Variants in PIWIL1 observed in about 807,000 individuals in gnomAD.
PIWIL1 encodes the protein piwi-like protein 1.
PIWIL1 carries 73 observed loss-of-function variants against 114.4 expected under a neutral mutation model. That is an observed-to-expected ratio of 0.64 (90% CI 0.53 to 0.78). PIWIL1 has a LOEUF of 0.78. Ranked by LOEUF, PIWIL1 falls within the 30% of genes least tolerant of loss-of-function variation. The probability of loss-of-function intolerance (pLI) is 0.00; values close to 1 mark genes in which losing one functional copy is unlikely to be tolerated. For missense variants in PIWIL1, 723 were observed against 1,063.1 expected, an observed-to-expected ratio of 0.68 and a Z score of 4.45; for synonymous variants, 375 against 369.0, an observed-to-expected ratio of 1.02 and a Z score of -0.19.
the PIWIL1 span, chr12:130,414,058 C>G: frequency 6.6e-7 from 1 of 1,520,728 alleles, no homozygotes. Context: ...TGTTGCCAGT[C>G]TCTGCCCCCA....
At chr12:130,368,245 T>C (rs904433738) in intron 19 of PIWIL1, among the ~76,000 whole-genome samples, 1 of 152,148 alleles carries the variant, frequency 6.6e-6, no homozygotes, top group African/African-American at 2.4e-5. Flanking sequence ...GGACTTCTGT[T>C]TTTCTATGTA....
chr12:130,344,878 G>A (rs2073029744), intron 3 of PIWIL1, among the ~76,000 whole-genome samples: 1 of 152,138 alleles, frequency 6.6e-6, no homozygotes, highest in Non-Finnish European at 1.5e-5. Flanking sequence ...CCTAACCATG[G>A]GGAGGGTGGA....
the PIWIL1 span, chr12:130,412,542 A>C: frequency 2.9e-6 from 4 of 1,361,010 alleles, no homozygotes; most frequent in Non-Finnish European, 4.1e-6. Context: ...TCTCCTCATC[A>C]CCGCCTGCCT....
chr12:130,392,379 T>TCC, the PIWIL1 span, among the ~76,000 whole-genome samples: 1 of 44,726 alleles, frequency 2.2e-5, no homozygotes. Flanking sequence ...TCATCACATG[T>TCC]GTCCGTCAGT....
chr12:130,424,413 C>A, the PIWIL1 span: 2 of 1,232,850 alleles, frequency 1.6e-6, no homozygotes, highest in South Asian at 4.1e-5. This position sits in a 1 kb window ranked among gnomAD's most constrained non-coding sequence, Gnocchi z 9.8. Context: ...CGGCCTCGGG[C>A]CCCTCCTGCA....
intron 18 of PIWIL1, 37 bp from the exon 19 acceptor site, chr12:130,367,096 C>CT (rs1565956196): frequency 6.2e-7 from 1 of 1,608,596 alleles, no homozygotes; most frequent in East Asian, 2.2e-5. Flanking sequence ...GAAAATATGA[C>CT]TGGCTAAATG....
intron 11 of PIWIL1, among the ~76,000 whole-genome samples, chr12:130,355,218 T>C (rs2136159697): frequency 6.6e-6 from 1 of 152,342 alleles, no homozygotes; most frequent in South Asian, 2.1e-4. Context: ...TTGCAGTGCG[T>C]AGTCTTTCTA....
chr12:130,364,263 C>A (rs1487810967), intron 18 of PIWIL1, among the ~76,000 whole-genome samples: 1 of 152,178 alleles, frequency 6.6e-6, no homozygotes, highest in South Asian at 2.1e-4. Context: ...ATTACACACC[C>A]ATTATTCTTG....
chr12:130,389,364 G>A, the PIWIL1 span, among the ~76,000 whole-genome samples: 1 of 151,944 alleles, frequency 6.6e-6, no homozygotes, highest in Admixed American at 6.6e-5. Flanking sequence ...TATAAGATTG[G>A]GGTGATCTGA....
rs1209150602 is a variant in PIWIL1, at chr12:130,357,444, C to T, written c.1593-37C>T. On this transcript the variant is annotated intron_variant, in intron 13 of 20. Coordinates refer to ENST00000245255, the MANE Select transcript of PIWIL1 (RefSeq NM_004764.5). Reference sequence around the variant, plus strand: ...TTTATGCACGGTCCATTTGTCGCTACTGTGTCTGAGTGTTGGATTGTGTAC... The same window carrying T: ...TTTATGCACGGTCCATTTGTCGCTATTGTGTCTGAGTGTTGGATTGTGTAC... 5 of 1,497,000 alleles carry T rather than the reference C, an allele frequency of 3.3e-6. No individual in the cohort carries two copies. The African/African-American group carries it at 5.5e-5, about 17-fold the overall frequency. 92.7% of individuals were successfully genotyped at this position (1,497,000 alleles called of 1,614,324 possible). A position where few individuals can be genotyped will look rare whatever the true frequency, so the allele number is the denominator to read the frequency against.
At chr12:130,412,672 T>A in the PIWIL1 span, 2 of 1,613,918 alleles carry the variant, frequency 1.2e-6, no homozygotes, top group South Asian at 2.2e-5. Context: ...AAGAAGCTGA[T>A]CCATCATCTC....
At chr12:130,424,960 G>T in the PIWIL1 span, 2 of 621,602 alleles carry the variant, frequency 3.2e-6, no homozygotes, top group Non-Finnish European at 4.6e-6. The surrounding 1 kb of genome is among the most constrained non-coding windows in gnomAD (Gnocchi z 9.8). Flanking sequence ...ATTAGTCCTG[G>T]AGGCACCGAG....
At chr12:130,369,140 A>ATGCGGTG (rs2073750335) in intron 19 of PIWIL1, among the ~76,000 whole-genome samples, 1 of 152,216 alleles carries the variant, frequency 6.6e-6, no homozygotes, top group Non-Finnish European at 1.5e-5. Flanking sequence ...AAGTGAGAAC[A>ATGCGGTG]TGCGGTGTTA....
chr12:130,339,693 C>T (rs890661949), intron 1 of PIWIL1: 1 of 152,118 alleles, frequency 6.6e-6, no homozygotes, highest in African/African-American at 2.4e-5. Context: ...GAGCGCTGAG[C>T]CCCCCAGGTA....
chr12:130,421,701 G>GTGTGTGTGTA, the PIWIL1 span, among the ~76,000 whole-genome samples: 1 of 151,034 alleles, frequency 6.6e-6, no homozygotes, highest in Non-Finnish European at 1.5e-5. Context: ...ATGTGTGTGT[G>GTGTGTGTGTA]TGTGTGTGTG....
At chr12:130,352,315 A>C (rs191304163) in intron 9 of PIWIL1, among the ~76,000 whole-genome samples, 1 of 152,280 alleles carries the variant, frequency 6.6e-6, no homozygotes, top group Admixed American at 6.5e-5. Context: ...TTTTAAAATA[A>C]AAGGTTTAAC....
chr12:130,405,639 T>A, the PIWIL1 span, among the ~76,000 whole-genome samples: 1 of 147,680 alleles, frequency 6.8e-6, no homozygotes, highest in Non-Finnish European at 1.5e-5. Context: ...GGAGGGTGGC[T>A]CTGAGGTCCC....
rs11060833 is a variant in PIWIL1 at position 130,342,402 on chromosome 12, T to G, written c.-12-178T>G. 19 of 604,030 alleles carry G rather than the reference T, an allele frequency of 3.1e-5. No individual in the cohort carries two copies. The East Asian group carries it at 5.2e-4, about 17-fold the overall frequency. 37.4% of individuals were successfully genotyped at this position (604,030 alleles called of 1,614,324 possible). ...GCCCAGTGCAAGGTAAGCAACTGAGTTTGTTGAATGTAGGAATGTTACATT... is the reference window on the plus strand; with the variant it reads ...GCCCAGTGCAAGGTAAGCAACTGAGGTTGTTGAATGTAGGAATGTTACATT... On this transcript the variant is annotated intron_variant, in intron 1 of 20. Coordinates refer to ENST00000245255, the MANE Select transcript of PIWIL1 (RefSeq NM_004764.5).
At chr12:130,422,465 C>A in the PIWIL1 span, 4 of 1,609,754 alleles carry the variant, frequency 2.5e-6, no homozygotes, top group Admixed American at 1.7e-5. This position sits in a 1 kb window ranked among gnomAD's most constrained non-coding sequence, Gnocchi z 5.2. Flanking sequence ...ATGGATGGGA[C>A]TGTCACGGGC....
Sources: allele counts gnomAD v4.1 joint callset (sites outside exome capture counted in the v4.1 genomes callset), GRCh38; gene constraint gnomAD v4.1.1; non-coding constraint Gnocchi (gnomAD v3.1); transcripts MANE v1.5; gene names NCBI Gene and HGNC (gene_info 2026-07-23, HGNC 2026-07-21).